TAS2R1: variants seen among roughly 807,000 people sequenced by gnomAD.
The protein encoded by TAS2R1 is taste receptor type 2 member 1.
For missense variants in TAS2R1, 370 were observed against 353.4 expected (o/e 1.05, Z -0.38); for synonymous variants, 141 against 134.2 (o/e 1.05, Z -0.35).
intron 1 of TAS2R1, among the ~76,000 whole-genome samples, chr5:9,662,490 T>C (rs961891362): frequency 6.6e-6 from 1 of 152,092 alleles, no homozygotes; most frequent in Non-Finnish European, 1.5e-5. Context: ...GGAGTGACAG[T>C]TGTCACTCCC....
chr5:9,813,849 G>A, the TAS2R1 span, among the ~76,000 whole-genome samples: 1 of 152,216 alleles, frequency 6.6e-6, no homozygotes, highest in East Asian at 1.9e-4. Context: ...CAGATTGGCT[G>A]GTCTCATCAA....
chr5:9,683,953 G>A (rs1324383702), intron 1 of TAS2R1, among the ~76,000 whole-genome samples: 1 of 152,196 alleles, frequency 6.6e-6, no homozygotes, highest in Non-Finnish European at 1.5e-5. Flanking sequence ...AAGAATGAAG[G>A]AAGAGGTAAA....
At chr5:9,843,626 A>C in the TAS2R1 span, among the ~76,000 whole-genome samples, 1 of 152,262 alleles carries the variant, frequency 6.6e-6, no homozygotes, top group Non-Finnish European at 1.5e-5. Context: ...CCAGAGATGA[A>C]GGGTAAACCA....
chr5:9,834,248 C>A, the TAS2R1 span, among the ~76,000 whole-genome samples: 1 of 152,364 alleles, frequency 6.6e-6, no homozygotes. Context: ...CCCAGCTGTG[C>A]TTCTCCCCAG....
chr5:9,690,298 G>A (rs1741213709), intron 1 of TAS2R1, among the ~76,000 whole-genome samples: 1 of 151,992 alleles, frequency 6.6e-6, no homozygotes, highest in Admixed American at 6.6e-5. Flanking sequence ...TACACATTTG[G>A]GAAAATCAAA....
chr5:9,754,303 A>C, the TAS2R1 span, among the ~76,000 whole-genome samples: 1 of 152,314 alleles, frequency 6.6e-6, no homozygotes, highest in Admixed American at 6.5e-5. Context: ...CCAATATCAT[A>C]CTGAATGGGC....
At chr5:9,878,545 T>C in the TAS2R1 span, among the ~76,000 whole-genome samples, 8 of 152,398 alleles carry the variant, frequency 5.2e-5, no homozygotes, top group South Asian at 1.7e-3. Flanking sequence ...TTAGATGATA[T>C]GATTCTTCTA....
the TAS2R1 span, among the ~76,000 whole-genome samples, chr5:9,740,295 A>G: frequency 9.9e-5 from 15 of 152,222 alleles, no homozygotes; most frequent in Non-Finnish European, 1.9e-4. Context: ...TGCTGAAAAA[A>G]AGTGAGACCT....
chr5:9,817,865 G>T, the TAS2R1 span, among the ~76,000 whole-genome samples: 11 of 151,516 alleles, frequency 7.3e-5, no homozygotes, highest in Non-Finnish European at 5.9e-5. Flanking sequence ...GGAGGCAGGA[G>T]AGCGAGAGGG....
the TAS2R1 span, among the ~76,000 whole-genome samples, chr5:9,858,082 T>C: frequency 6.6e-6 from 1 of 151,988 alleles, no homozygotes; most frequent in East Asian, 1.9e-4. Flanking sequence ...ACCCTGGCCC[T>C]AGGGTGGGCC....
At chr5:9,877,066 G>C in the TAS2R1 span, among the ~76,000 whole-genome samples, 1 of 152,150 alleles carries the variant, frequency 6.6e-6, no homozygotes, top group Non-Finnish European at 1.5e-5. Flanking sequence ...CATCAGACAG[G>C]AATATGAAAC....
At chr5:9,733,403 G>C in the TAS2R1 span, among the ~76,000 whole-genome samples, 4 of 152,208 alleles carry the variant, frequency 2.6e-5, no homozygotes, top group African/African-American at 9.6e-5. Context: ...GGAAAACTTT[G>C]TTGAGCCCTG....
At chr5:9,791,801 T>C in the TAS2R1 span, among the ~76,000 whole-genome samples, 1 of 152,194 alleles carries the variant, frequency 6.6e-6, no homozygotes, top group Non-Finnish European at 1.5e-5. Context: ...CTTCCCCACA[T>C]GACTCTGTTG....
the TAS2R1 span, among the ~76,000 whole-genome samples, chr5:9,796,720 GGAAAAAAAA>G: frequency 2.6e-5 from 2 of 77,334 alleles, no homozygotes; most frequent in Admixed American, 3.1e-4. Context: ...GCTATTTTCT[GGAAAAAAAA>G]AAAAAAAAAA....
chr5:9,775,038 C>T, the TAS2R1 span, among the ~76,000 whole-genome samples: 3 of 152,368 alleles, frequency 2.0e-5, no homozygotes, highest in East Asian at 5.8e-4. Flanking sequence ...ACCTCAGTCT[C>T]AGGCAGGTCC....
upstream of TAS2R1, among the ~76,000 whole-genome samples, chr5:9,634,874 A>G (rs1339667070): frequency 6.6e-6 from 1 of 152,034 alleles, no homozygotes; most frequent in East Asian, 1.9e-4. Context: ...CTAGGCATAC[A>G]ATCATATTAC....
At chr5:9,896,483 G>A in the TAS2R1 span, among the ~76,000 whole-genome samples, 2 of 152,092 alleles carry the variant, frequency 1.3e-5, no homozygotes, top group South Asian at 2.1e-4. Flanking sequence ...GAAGCTCTGC[G>A]AGCCTTGTCT....
At chr5:9,889,654 A>G in the TAS2R1 span, 1 of 152,218 alleles carries the variant, frequency 6.6e-6, no homozygotes, top group African/African-American at 2.4e-5. Context: ...GTGCTGGGGC[A>G]ACAGTGATGT....
chr5:9,818,284 G>C, the TAS2R1 span, among the ~76,000 whole-genome samples: 2 of 152,138 alleles, frequency 1.3e-5, no homozygotes, highest in Admixed American at 1.3e-4. Context: ...TACCTCATTA[G>C]GACAAGAAAC....
Sources: gnomAD v4.1 joint callset for allele counts (sites outside exome capture counted in the v4.1 genomes callset) on GRCh38, gnomAD v4.1.1 for gene constraint, MANE v1.5 for transcripts, NCBI Gene and HGNC (gene_info 2026-07-23, HGNC 2026-07-21) for gene names.